Variants in LANCL2 observed in about 807,000 individuals in gnomAD.
The protein encoded by LANCL2 is LanC like glutathione S-transferase 2.
LANCL2 carries 33 observed loss-of-function variants against 56.9 expected under a neutral mutation model. That is an observed-to-expected ratio of 0.58 (90% CI 0.44 to 0.78). The LOEUF (loss-of-function observed/expected upper bound fraction) is 0.78. Ranked by LOEUF, LANCL2 falls within the 30% of genes least tolerant of loss-of-function variation. The pLI, the probability that LANCL2 is intolerant of heterozygous loss-of-function variation, is 0.00. For missense variants in LANCL2, 562 were observed against 580.2 expected (o/e 0.97, Z 0.32); for synonymous variants, 233 against 228.2 (o/e 1.02, Z -0.19).
rs1447976295 is a variant in LANCL2 at position 55,400,007 on chromosome 7, A to T, written c.581A>T (p.Asp194Val). 7 of 1,613,982 alleles carry T rather than the reference A, an allele frequency of 4.3e-6. No individual in the cohort carries two copies. Among genetic ancestry groups the T allele is most frequent in the Non-Finnish European group, 5.1e-6 (6 of 1,179,906 alleles). ...SVVCQESDLP[D>V]ELLYGRAGYL... The stretch of plus-strand genomic sequence containing the variant: ...GTCTGCCAAGAATCAGACCTTCCTG[A>T]TGAGCTGCTTTATGGACGGGCAGGT... Residue 194 changes from aspartate to valine, a missense_variant, in exon 4 of 9, where the codon GAT (aspartate) becomes GTT (valine). Transcript: ENST00000254770.
Position 55,409,784 on chromosome 7 carries a change from G to A in LANCL2, c.826-2123G>A, listed in dbSNP as rs1393674924. On this transcript the variant is annotated intron_variant, in intron 5 of 8. Transcript: ENST00000254770. ...AGAGACTTTTTACAGAGCTGTTGGTGGGTATGAAAAAGCTTAGGTACTGGT... is the reference window on the plus strand; with the variant it reads ...AGAGACTTTTTACAGAGCTGTTGGTAGGTATGAAAAAGCTTAGGTACTGGT... Among the ~76,000 whole-genome samples the A allele has an allele frequency of 5.9e-5, 9 of 152,096 alleles. 1 individual carries two copies. The South Asian group carries it at 1.7e-3, about 28-fold the overall frequency.
At chr7:55,423,317 C>T (rs911027258) in intron 6 of LANCL2, among the ~76,000 whole-genome samples, 12 of 152,172 alleles carry the variant, frequency 7.9e-5, no homozygotes, top group African/African-American at 2.9e-4. Context: ...GCCTCAGCCT[C>T]GCAGGCGCAG....
intron 5 of LANCL2, among the ~76,000 whole-genome samples, chr7:55,409,611 G>C (rs1439101526): frequency 6.6e-6 from 1 of 152,186 alleles, no homozygotes. Context: ...TCCCATACAA[G>C]ACAGGGGAGC....
At chr7:55,381,272 G>T (rs567228398) in intron 1 of LANCL2, among the ~76,000 whole-genome samples, 2 of 152,316 alleles carry the variant, frequency 1.3e-5, no homozygotes, top group South Asian at 4.1e-4. Flanking sequence ...TTTACATGGT[G>T]CACTCAGTGG....
Position 55,365,925 on chromosome 7 carries a change from G to C in LANCL2, c.-101G>C. On this transcript the variant is annotated 5_prime_UTR_variant, in exon 1 of 9. Transcript: ENST00000254770. ...AGCGCGCGGCCTCGCTCCTCCTAGA[G>C]GACGCTCTCTGCGCGGGCCCTCGGA... The C allele has an allele frequency of 1.0e-6, 1 of 952,554 alleles. No homozygotes were observed. The highest frequency in any genetic ancestry group is 1.5e-6 in the Non-Finnish European group (1 of 679,652). 59.0% of individuals were successfully genotyped at this position (952,554 alleles called of 1,614,324 possible). A position where few individuals can be genotyped will look rare whatever the true frequency, so the allele number is the denominator to read the frequency against.
At chr7:55,427,392 T>TA (rs2128996764) in intron 7 of LANCL2, among the ~76,000 whole-genome samples, 1 of 152,352 alleles carries the variant, frequency 6.6e-6, no homozygotes, top group East Asian at 1.9e-4. Flanking sequence ...AAGATTGCTG[T>TA]AGTCCCAGTA....
At chr7:55,424,640 G>T (rs79590956) in intron 6 of LANCL2, among the ~76,000 whole-genome samples, 1 of 152,176 alleles carries the variant, frequency 6.6e-6, no homozygotes, top group Non-Finnish European at 1.5e-5. Flanking sequence ...TAGTAAAACC[G>T]TGAAACAGAA....
At chr7:55,423,246 T>C (rs113978689) in intron 6 of LANCL2, among the ~76,000 whole-genome samples, 1,813 of 152,308 alleles carry the variant, frequency 0.012, 36 homozygotes, top group African/African-American at 0.04. Context: ...GGAGTGGGCA[T>C]GGTAGGCTGC....
chr7:55,379,353 A>G (rs963815556), intron 1 of LANCL2, among the ~76,000 whole-genome samples: 1 of 152,178 alleles, frequency 6.6e-6, no homozygotes, highest in Non-Finnish European at 1.5e-5. Flanking sequence ...TTTATCATGA[A>G]AAATAAGAAC....
intron 5 of LANCL2, among the ~76,000 whole-genome samples, chr7:55,408,022 A>G (rs1390536708): frequency 6.6e-6 from 1 of 152,276 alleles, no homozygotes; most frequent in Non-Finnish European, 1.5e-5. Context: ...CTGAACAAGT[A>G]GAAATAAAAA....
chr7:55,423,329 G>A (rs1054332467), intron 6 of LANCL2, among the ~76,000 whole-genome samples: 2 of 152,210 alleles, frequency 1.3e-5, no homozygotes, highest in Non-Finnish European at 1.5e-5. Flanking sequence ...CAGGCGCAGG[G>A]ACGGCATGAA....
At chr7:55,380,249 C>G (rs369475904) in intron 1 of LANCL2, among the ~76,000 whole-genome samples, 1 of 152,232 alleles carries the variant, frequency 6.6e-6, no homozygotes, top group African/African-American at 2.4e-5. Context: ...TAAATATGCA[C>G]GTTGAAATCC....
chr7:55,428,533 C>T, intron 8 of LANCL2, 86 bp downstream of exon 8: 1 of 1,065,722 alleles, frequency 9.4e-7, no homozygotes, highest in Non-Finnish European at 1.5e-6. Context: ...TCATATTTGA[C>T]CTGGCTCAAG....
Position 55,411,915 on chromosome 7 carries a change from A to G in LANCL2, c.834A>G (p.Ala278=). Residue 278 remains alanine, a synonymous_variant, in exon 6 of 9, where the codon GCA becomes GCG. Transcript: ENST00000254770. ...TTTTTGTTTGTTTAAAGCCGGCAGC[A>G]AAAGTGGACCAAGAAACCTTGACAG... ...GIYYMLMQPA[A]KVDQETLTEM... 2 of 1,610,276 alleles carry G rather than the reference A, an allele frequency of 1.2e-6. No homozygotes were observed. Among genetic ancestry groups the G allele is most frequent in the Non-Finnish European group, 1.7e-6 (2 of 1,177,642 alleles).
At chr7:55,423,446 A>T (rs1461568412) in intron 6 of LANCL2, among the ~76,000 whole-genome samples, 1 of 152,246 alleles carries the variant, frequency 6.6e-6, no homozygotes, top group African/African-American at 2.4e-5. Flanking sequence ...TTCAGAACAC[A>T]GCCTCTCAAA....
intron 2 of LANCL2, among the ~76,000 whole-genome samples, chr7:55,396,620 A>T (rs1276467237): frequency 6.6e-6 from 1 of 152,198 alleles, no homozygotes; most frequent in African/African-American, 2.4e-5. Flanking sequence ...AGCACCTCCC[A>T]CCACATCCCT....
chr7:55,397,014 T>C (rs529070309), intron 2 of LANCL2: 2 of 152,208 alleles, frequency 1.3e-5, no homozygotes, highest in African/African-American at 2.4e-5. Context: ...CTTCCAAATA[T>C]TCTACTTTCA....
At chr7:55,405,886 C>G (rs145645887) in intron 5 of LANCL2, among the ~76,000 whole-genome samples, 9 of 101,154 alleles carry the variant, frequency 8.9e-5, no homozygotes, top group African/African-American at 3.5e-4. Flanking sequence ...GATTCTTAGG[C>G]AGTGGCGTGG....
intron 1 of LANCL2, 24 bp from the exon 2 acceptor site, chr7:55,391,769 G>GT (rs1790193356): frequency 7.9e-7 from 1 of 1,268,400 alleles, no homozygotes; most frequent in East Asian, 2.3e-5. Flanking sequence ...TGAAGTTAAA[G>GT]TTATCTCTTC....
Sources: allele counts gnomAD v4.1 joint callset (sites outside exome capture counted in the v4.1 genomes callset), GRCh38; gene constraint gnomAD v4.1.1; transcripts MANE v1.5; gene names NCBI Gene and HGNC (gene_info 2026-07-23, HGNC 2026-07-21).